Variants in RAI1 observed in about 807,000 individuals in gnomAD.
RAI1 encodes the protein retinoic acid induced 1, also known as retinoic acid-induced protein 1.
A neutral mutation model predicts 123.8 loss-of-function variants in RAI1; 9 were observed. The ratio of observed to expected loss-of-function variants is 0.07; its 90% CI spans 0.04 to 0.13. RAI1 has a LOEUF of 0.13. RAI1 is among the 10% of genes least tolerant of loss of function. The pLI is 1.00. For missense variants in RAI1, 2,256 were observed against 2,545.8 expected, an observed-to-expected ratio of 0.89 and a Z score of 2.45; for synonymous variants, 1,231 against 1,127.3, an observed-to-expected ratio of 1.09 and a Z score of -1.84.
rs572730279 is a variant in RAI1 at position 17,810,500 on chromosome 17, G to A, written c.*519G>A. 1.9e-5 allele frequency: 5 copies of A among 268,974 alleles called. No homozygotes were observed. Among genetic ancestry groups the A allele is most frequent in the African/African-American group, 9.3e-5 (4 of 43,220 alleles). The allele number at this position is 268,974 out of a possible 1,614,324, so 16.7% of individuals were successfully genotyped here. On this transcript the variant is annotated 3_prime_UTR_variant, in exon 6 of 6. Coordinates refer to ENST00000353383, the MANE Select transcript of RAI1 (RefSeq NM_030665.4). This position sits in a 1 kb window ranked among gnomAD's most constrained non-coding sequence, Gnocchi z 4.6. ...CTCCTAGCTCCGTGGACTAGGCGGG[G>A]GAGAAAGGAAGCCTTTCTGAGAGCG...
intron 4 of RAI1, among the ~76,000 whole-genome samples, chr17:17,808,141 G>A (rs2032630812): frequency 1.3e-5 from 2 of 152,194 alleles, no homozygotes; most frequent in Non-Finnish European, 2.9e-5. Flanking sequence ...AGGCTTTGGG[G>A]GAGGGGAGCC....
At chr17:17,730,378 G>A (rs1281580475) in intron 2 of RAI1, among the ~76,000 whole-genome samples, 1 of 152,256 alleles carries the variant, frequency 6.6e-6, no homozygotes, top group Non-Finnish European at 1.5e-5. Flanking sequence ...GCCCCGCAGG[G>A]CCGGGCAGGC....
chr17:17,700,535 C>G (rs1459628975), intron 1 of RAI1, among the ~76,000 whole-genome samples: 3 of 152,122 alleles, frequency 2.0e-5, no homozygotes, highest in East Asian at 1.9e-4. Context: ...GGTTTAATTG[C>G]ACCTGCCCGG....
chr17:17,748,867 G>C (rs1466962577), intron 2 of RAI1, among the ~76,000 whole-genome samples: 4 of 152,080 alleles, frequency 2.6e-5, no homozygotes, highest in Non-Finnish European at 2.9e-5. Context: ...AAATCACTGG[G>C]GGCTTCAGCC....
chr17:17,720,717 G>A (rs1234816785), intron 1 of RAI1, among the ~76,000 whole-genome samples: 2 of 152,188 alleles, frequency 1.3e-5, no homozygotes, highest in East Asian at 3.9e-4. Context: ...CAAGTTCTTT[G>A]CAGGCTCTCA....
chr17:17,712,996 T>TG (rs34584598), intron 1 of RAI1, among the ~76,000 whole-genome samples: 8 of 126,576 alleles, frequency 6.3e-5, no homozygotes, highest in African/African-American at 2.4e-4. Flanking sequence ...GGTGGGGAAA[T>TG]GGGGGGTGAC....
chr17:17,768,565 C>T (rs1350539096), intron 2 of RAI1, among the ~76,000 whole-genome samples: 1 of 152,216 alleles, frequency 6.6e-6, no homozygotes, highest in African/African-American at 2.4e-5. Flanking sequence ...TAGGGCCAGG[C>T]AGTGCTCTGA....
intron 2 of RAI1, among the ~76,000 whole-genome samples, chr17:17,767,443 A>G (rs573739933): frequency 3.9e-5 from 6 of 152,124 alleles, no homozygotes; most frequent in African/African-American, 1.4e-4. Context: ...GAATGTAAAG[A>G]AGAAAATGAA....
chr17:17,682,088 G>A (rs1443987268), intron 1 of RAI1, among the ~76,000 whole-genome samples: 61 of 151,170 alleles, frequency 4.0e-4, no homozygotes, highest in Non-Finnish European at 8.9e-5. Context: ...GCATGGGGGC[G>A]CGAGGGGCGA....
intron 2 of RAI1, among the ~76,000 whole-genome samples, chr17:17,746,049 T>A (rs2029899829): frequency 6.6e-6 from 1 of 151,742 alleles, no homozygotes; most frequent in African/African-American, 2.4e-5. Flanking sequence ...AGCCCCTGCC[T>A]ACCAGGCCAC....
intron 2 of RAI1, among the ~76,000 whole-genome samples, chr17:17,787,551 A>G (rs2031870119): frequency 1.3e-5 from 2 of 152,200 alleles, no homozygotes; most frequent in African/African-American, 4.8e-5. Context: ...GGGCCTAGGA[A>G]TGCCTGCAGC....
At chr17:17,778,853 A>C (rs1398764385) in intron 2 of RAI1, 1 of 456,768 alleles carries the variant, frequency 2.2e-6, no homozygotes, top group Non-Finnish European at 4.4e-6. Flanking sequence ...ATGCTGAGTG[A>C]CTAGAAGCCA....
In RAI1 at chr17:17,810,456, T is replaced by A; in HGVS notation, c.*475T>A. 1 of 250,462 alleles carries A rather than the reference T, an allele frequency of 4.0e-6. No homozygotes were observed. Among genetic ancestry groups the A allele is most frequent in the Non-Finnish European group, 8.0e-6 (1 of 125,178 alleles). The allele number at this position is 250,462 out of a possible 1,614,324, so 15.5% of individuals were successfully genotyped here. ...TTGGGGGTGGGGGTCGAAACAGTACTGGAAGAGGCGGAGGGCGGCTCCTAG... is the reference window on the plus strand; with the variant it reads ...TTGGGGGTGGGGGTCGAAACAGTACAGGAAGAGGCGGAGGGCGGCTCCTAG... On this transcript the variant is annotated 3_prime_UTR_variant, in exon 6 of 6. Coordinates refer to ENST00000353383, the MANE Select transcript of RAI1 (RefSeq NM_030665.4). This position sits in a 1 kb window ranked among gnomAD's most constrained non-coding sequence, Gnocchi z 4.6.
chr17:17,770,232 G>A (rs536210252), intron 2 of RAI1, among the ~76,000 whole-genome samples: 1 of 152,084 alleles, frequency 6.6e-6, no homozygotes, highest in Non-Finnish European at 1.5e-5. Context: ...GTCTCCCAAA[G>A]GGCGGTGGGG....
intron 1 of RAI1, among the ~76,000 whole-genome samples, chr17:17,713,294 C>T (rs1185517050): frequency 1.3e-5 from 2 of 152,060 alleles, no homozygotes; most frequent in Non-Finnish European, 2.9e-5. Context: ...ATCACCTAAG[C>T]CCAGGAGTTC....
chr17:17,783,118 A>AC (rs1555563597), intron 2 of RAI1, among the ~76,000 whole-genome samples: 1 of 152,192 alleles, frequency 6.6e-6, no homozygotes, highest in Non-Finnish European at 1.5e-5. Flanking sequence ...GGAGGCGGGG[A>AC]CGTCCAGGGC....
At chr17:17,687,512 C>A (rs1481175473) in intron 1 of RAI1, among the ~76,000 whole-genome samples, 1 of 152,160 alleles carries the variant, frequency 6.6e-6, no homozygotes, top group African/African-American at 2.4e-5. Flanking sequence ...TGAGGGAGAA[C>A]ATGCAGAATC....
chr17:17,764,175 CA>C (rs2030820958), intron 2 of RAI1, among the ~76,000 whole-genome samples: 1 of 152,222 alleles, frequency 6.6e-6, no homozygotes, highest in South Asian at 2.1e-4. Flanking sequence ...TTACCCTGAG[CA>C]AGGTGAGGAG....
intron 2 of RAI1, among the ~76,000 whole-genome samples, chr17:17,735,076 G>A (rs951209207): frequency 4.0e-5 from 6 of 151,464 alleles, no homozygotes; most frequent in African/African-American, 4.9e-5. Flanking sequence ...TTTTCGAGAC[G>A]GAGTCTTGCT....
Sources: allele counts gnomAD v4.1 joint callset (sites outside exome capture counted in the v4.1 genomes callset), GRCh38; gene constraint gnomAD v4.1.1; non-coding constraint Gnocchi (gnomAD v3.1); transcripts MANE v1.5; gene names NCBI Gene and HGNC (gene_info 2026-07-23, HGNC 2026-07-21).